TMEM132B: variants seen among roughly 807,000 people sequenced by gnomAD.
TMEM132B encodes the protein transmembrane protein 132B.
TMEM132B carries 18 observed loss-of-function variants against 90.8 expected under a neutral mutation model. The ratio of observed to expected loss-of-function variants is 0.20; its 90% CI spans 0.14 to 0.29. The LOEUF is 0.29. TMEM132B is among the 10% of genes least tolerant of loss of function. The pLI is 1.00. For missense variants in TMEM132B, 1,096 were observed against 1,326.8 expected (o/e 0.83, Z 2.70); for synonymous variants, 504 against 523.3 (o/e 0.96, Z 0.50).
At chr12:125,554,452 AAAG>A (rs1689328943) in intron 4 of TMEM132B, among the ~76,000 whole-genome samples, 2 of 149,946 alleles carry the variant, frequency 1.3e-5, no homozygotes, top group African/African-American at 4.9e-5. Context: ...AAAAAAAAAA[AAAG>A]ATTTATCAAC....
At chr12:125,342,380 G>A (rs1048789719) in intron 1 of TMEM132B, among the ~76,000 whole-genome samples, 2 of 152,132 alleles carry the variant, frequency 1.3e-5, no homozygotes, top group Admixed American at 6.6e-5. Context: ...CCCTCACCCC[G>A]TGCCTCAGTT....
chr12:125,476,567 C>T (rs1262999404), intron 3 of TMEM132B, among the ~76,000 whole-genome samples: 1 of 152,202 alleles, frequency 6.6e-6, no homozygotes, highest in African/African-American at 2.4e-5. Flanking sequence ...GTCTCTACCT[C>T]TTAGCTACTG....
chr12:125,415,932 TGGG>T lies in TMEM132B; in HGVS notation c.1106+258_1106+260del, dbSNP rs995842935. On this transcript the variant is annotated intron_variant, in intron 3 of 8. Coordinates refer to ENST00000682704, the MANE Select transcript of TMEM132B (RefSeq NM_001366854.1). This position sits in a 1 kb window ranked among gnomAD's most constrained non-coding sequence, Gnocchi z 5.3. ...TGCAGCGAAGAGTTGAAGAAGGAAA[TGGG>T]GGAAATAAAAATGATTTAAGAGGCA... Among the ~76,000 whole-genome samples, 3 of 152,060 alleles carry T rather than the reference TGGG, an allele frequency of 2.0e-5. No homozygotes were observed. Among genetic ancestry groups the T allele is most frequent in the African/African-American group, 7.2e-5 (3 of 41,392 alleles).
Position 125,515,198 on chromosome 12 carries a change from GCA to G in TMEM132B, c.1107-4237_1107-4236del, listed in dbSNP as rs1328096036. 2.9e-5 allele frequency among the ~76,000 whole-genome samples: 4 copies of G among 139,406 alleles called. No individual in the cohort carries two copies. The South Asian group carries it at 6.5e-4, about 23-fold the overall frequency. 91.5% of individuals were successfully genotyped at this position (139,406 alleles called of 152,430 possible). Reference sequence around the variant, plus strand: ...CACTCACACACGCATTCTCTCTCATGCACACTCAAACACACACGTTCACACAT... The same window carrying G: ...CACTCACACACGCATTCTCTCTCATGCACTCAAACACACACGTTCACACAT... On this transcript the variant is annotated intron_variant, in intron 3 of 8. Transcript: ENST00000682704.
At position 125,441,327 on chromosome 12, in the gene TMEM132B, G is replaced by A. The variant is rs865915947; in HGVS notation, c.1106+25650G>A. 2.4e-4 allele frequency among the ~76,000 whole-genome samples: 37 copies of A among 152,308 alleles called. No homozygotes were observed. In the Middle Eastern group the frequency reaches 0.01, roughly 42 times the overall value. Reference sequence around the variant, plus strand: ...AAGCACATTTCTTTGTAACAAAGAAGAGTATTTCTATATGATTAATATGCA... The same window carrying A: ...AAGCACATTTCTTTGTAACAAAGAAAAGTATTTCTATATGATTAATATGCA... On this transcript the variant is annotated intron_variant, in intron 3 of 8. Coordinates refer to ENST00000682704, the MANE Select transcript of TMEM132B (RefSeq NM_001366854.1).
At chr12:125,350,410 A>T (rs921870459) in intron 2 of TMEM132B, 67 bp downstream of exon 2, 2 of 1,498,300 alleles carry the variant, frequency 1.3e-6, no homozygotes, top group African/African-American at 2.8e-5. Flanking sequence ...TTGTCAATGA[A>T]TAAAATGGGT....
intron 2 of TMEM132B, among the ~76,000 whole-genome samples, chr12:125,380,651 C>A (rs1330752147): frequency 6.6e-6 from 1 of 152,212 alleles, no homozygotes; most frequent in Non-Finnish European, 1.5e-5. Context: ...TCTTCCTTTT[C>A]CAAGGAGGCT....
chr12:125,209,289 T>C lies in TMEM132B; in HGVS notation c.67+22423T>C, dbSNP rs1873263045. On this transcript the variant is annotated intron_variant, in intron 1 of 8. Transcript: ENST00000682704. This position sits in a 1 kb window ranked among gnomAD's most constrained non-coding sequence, Gnocchi z 4.4. ...CCTGGCCTGCTGGGTGAGGCTCACA[T>C]CTCTAAGTGGGGCAGAGGCTCGCGG... Among the ~76,000 whole-genome samples, 1 of 152,188 alleles carries C rather than the reference T, an allele frequency of 6.6e-6. No individual in the cohort carries two copies. Among genetic ancestry groups the C allele is most frequent in the African/African-American group, 2.4e-5 (1 of 41,432 alleles).
chr12:125,644,373 G>A, intron 6 of TMEM132B, 92 bp downstream of exon 6: 1 of 1,407,528 alleles, frequency 7.1e-7, no homozygotes, highest in Non-Finnish European at 9.7e-7. Flanking sequence ...TCAAGCCATT[G>A]GGAAGCAACA....
chr12:125,197,044 G>A lies in TMEM132B; in HGVS notation c.67+10178G>A, dbSNP rs140201024. ...AGTTCAGGGGTACATGTGCAGGTTT[G>A]TTATGTAGGTAAACTTGTGTCGTGG... On this transcript the variant is annotated intron_variant, in intron 1 of 8. Transcript: ENST00000682704. Among the ~76,000 whole-genome samples, 965 of 152,216 alleles carry A rather than the reference G, an allele frequency of 6.3e-3. 4 individuals are homozygous for A. Among genetic ancestry groups the A allele is most frequent in the Non-Finnish European group, 0.01 (701 of 68,020 alleles).
At chr12:125,344,836 G>A (rs140581958) in intron 1 of TMEM132B, among the ~76,000 whole-genome samples, 190 of 96,380 alleles carry the variant, frequency 2.0e-3, no homozygotes, top group African/African-American at 4.9e-3. Context: ...GGAGAACTAT[G>A]TGAAAACAGC....
chr12:125,241,284 T>C (rs1231985770), intron 1 of TMEM132B, among the ~76,000 whole-genome samples: 2 of 152,156 alleles, frequency 1.3e-5, no homozygotes. Flanking sequence ...GTAAATGATA[T>C]TTCGAGATCT....
intron 5 of TMEM132B, among the ~76,000 whole-genome samples, chr12:125,630,276 C>A (rs1886332021): frequency 6.6e-6 from 1 of 152,108 alleles, no homozygotes; most frequent in South Asian, 2.1e-4. Flanking sequence ...CCAGGCTTTT[C>A]TTTATTGGGA....
chr12:125,189,304 C>T (rs1023043044), intron 1 of TMEM132B, among the ~76,000 whole-genome samples: 2 of 152,198 alleles, frequency 1.3e-5, no homozygotes, highest in Non-Finnish European at 2.9e-5. Context: ...GGTGCAGTTA[C>T]AGTCCCTGCT....
chr12:125,466,450 G>A (rs186220140), intron 3 of TMEM132B, among the ~76,000 whole-genome samples: 2 of 152,336 alleles, frequency 1.3e-5, no homozygotes, highest in East Asian at 1.9e-4. Context: ...AGCACTAATT[G>A]AAGGCTTGAG....
At chr12:125,631,920 T>C (rs1886376764) in intron 5 of TMEM132B, among the ~76,000 whole-genome samples, 1 of 152,080 alleles carries the variant, frequency 6.6e-6, no homozygotes, top group South Asian at 2.1e-4. Context: ...TCAATGGGTC[T>C]TTTTAAAAAA....
rs35664460 is a variant in TMEM132B, at chr12:125,334,011, G to GA, written c.68-15435dup. Among the ~76,000 whole-genome samples the GA allele has an allele frequency of 9.6e-4, 146 of 151,992 alleles. 14 individuals are homozygous for GA. The highest frequency in any genetic ancestry group is 4.4e-5 in the Non-Finnish European group (3 of 68,010). Reference sequence around the variant, plus strand: ...TTCAGCCCCTTCTTCCAAAATCAGGGAAAAAATGCCATGAAAAGTATGAAA... The same window carrying GA: ...TTCAGCCCCTTCTTCCAAAATCAGGGAAAAAAATGCCATGAAAAGTATGAAA... On this transcript the variant is annotated intron_variant, in intron 1 of 8. Coordinates refer to ENST00000682704, the MANE Select transcript of TMEM132B (RefSeq NM_001366854.1).
In TMEM132B at chr12:125,310,979, C is replaced by T. The variant is rs141539694; in HGVS notation, c.68-38473C>T. Among the ~76,000 whole-genome samples the T allele has an allele frequency of 3.7e-3, 561 of 152,314 alleles. 2 individuals carry two copies. The highest frequency in any genetic ancestry group is 0.013 in the African/African-American group (536 of 41,570). On this transcript the variant is annotated intron_variant, in intron 1 of 8. Transcript: ENST00000682704. ...CTGTTCAATTATATGCACCTGTTCC[C>T]GGAGCTTCCCAACTCTTCAGTGAAA... is the stretch of plus-strand genomic sequence containing the variant.
intron 2 of TMEM132B, among the ~76,000 whole-genome samples, chr12:125,395,045 GA>G (rs897640825): frequency 1.3e-5 from 2 of 151,992 alleles, no homozygotes; most frequent in East Asian, 1.9e-4. Flanking sequence ...TAAATTTTAA[GA>G]AAAAAATATA....
Sources: gnomAD v4.1 joint callset for allele counts (sites outside exome capture counted in the v4.1 genomes callset) on GRCh38, gnomAD v4.1.1 for gene constraint, Gnocchi (gnomAD v3.1) non-coding constraint, MANE v1.5 for transcripts, NCBI Gene and HGNC (gene_info 2026-07-23, HGNC 2026-07-21) for gene names.